CMTM8: variants seen among roughly 807,000 people sequenced by gnomAD.
CMTM8 encodes the protein CKLF like MARVEL transmembrane domain containing 8, also known as CKLF-like MARVEL transmembrane domain-containing protein 8.
Under a neutral mutation model 18.6 loss-of-function variants are expected in CMTM8, and 12 were observed. That is an observed-to-expected ratio of 0.65 (90% CI 0.41 to 1.05). The LOEUF is 1.05. Among genes scored for constraint, CMTM8 ranks in the 50% least tolerant of loss-of-function variants. The pLI is 0.00. For synonymous variants in CMTM8, 87 were observed against 90.6 expected (o/e 0.96, Z 0.23); for missense variants, 217 against 227.2 (o/e 0.95, Z 0.29).
chr3:32,259,519 C>T (rs1702225134), intron 1 of CMTM8: 2 of 783,502 alleles, frequency 2.6e-6, no homozygotes, highest in Admixed American at 1.7e-5. Context: ...ACACCAATGT[C>T]ACTCGGCTGC....
intron 1 of CMTM8, among the ~76,000 whole-genome samples, chr3:32,255,924 C>T (rs761053919): frequency 6.6e-6 from 1 of 152,014 alleles, no homozygotes; most frequent in Non-Finnish European, 1.5e-5. Flanking sequence ...GACAGGATTT[C>T]GCCGCATTGC....
Position 32,319,074 on chromosome 3 carries a change from A to ATATTTT in CMTM8, c.148-38298_148-38297insATTTTT. ...TGTATATACATATATATATATATAT[A>ATATTTT]TTTTTTTTTTTTTTTTTTTTTGAGA... On this transcript the variant is annotated intron_variant, in intron 1 of 3. Coordinates refer to ENST00000307526, the MANE Select transcript of CMTM8 (RefSeq NM_178868.5). Among the ~76,000 whole-genome samples, 264 of 31,558 alleles carry ATATTTT rather than the reference A, an allele frequency of 8.4e-3. 10 individuals carry two copies. The highest frequency in any genetic ancestry group is 0.011 in the Non-Finnish European group (210 of 19,640). The allele number at this position is 31,558 out of a possible 152,430, so 20.7% of individuals were successfully genotyped here.
At chr3:32,369,652 C>T (rs149030259) in intron 3 of CMTM8, among the ~76,000 whole-genome samples, 9 of 152,314 alleles carry the variant, frequency 5.9e-5, no homozygotes, top group African/African-American at 2.2e-4. Context: ...AGTGAACTCC[C>T]TGAGGTTATT....
intron 1 of CMTM8, among the ~76,000 whole-genome samples, chr3:32,338,881 C>G (rs1207706155): frequency 6.6e-6 from 1 of 152,218 alleles, no homozygotes; most frequent in Non-Finnish European, 1.5e-5. Flanking sequence ...GAGCTGCAGT[C>G]ACTTAAAGTT....
intron 1 of CMTM8, among the ~76,000 whole-genome samples, chr3:32,285,481 C>T (rs971397927): frequency 1.3e-5 from 2 of 151,072 alleles, no homozygotes; most frequent in Admixed American, 6.6e-5. Context: ...CCACTACACT[C>T]CAGCCTGGGT....
At chr3:32,265,931 A>G (rs1702335246) in intron 1 of CMTM8, among the ~76,000 whole-genome samples, 1 of 152,258 alleles carries the variant, frequency 6.6e-6, no homozygotes, top group African/African-American at 2.4e-5. Context: ...GAATAGACCA[A>G]TAACAGGCTC....
intron 1 of CMTM8, among the ~76,000 whole-genome samples, chr3:32,312,350 T>A (rs1414079527): frequency 6.6e-6 from 1 of 152,230 alleles, no homozygotes; most frequent in Non-Finnish European, 1.5e-5. Context: ...TCTGTCTGAC[T>A]TAGCTACAAA....
chr3:32,338,002 T>G (rs1360393757), intron 1 of CMTM8, among the ~76,000 whole-genome samples: 3 of 147,912 alleles, frequency 2.0e-5, no homozygotes, highest in Admixed American at 2.0e-4. Context: ...TTTTTTAAAT[T>G]GAGATGGAGT....
At chr3:32,259,112 TC>T in intron 1 of CMTM8, 1 of 399,240 alleles carries the variant, frequency 2.5e-6, no homozygotes, top group South Asian at 2.1e-5. Flanking sequence ...TCCACCAGCT[TC>T]CAGGGTGGCA....
At chr3:32,280,401 G>A (rs1361005225) in intron 1 of CMTM8, among the ~76,000 whole-genome samples, 3 of 151,974 alleles carry the variant, frequency 2.0e-5, no homozygotes, top group African/African-American at 4.8e-5. Flanking sequence ...CAGACTGGTC[G>A]TGGGCCTAGT....
intron 1 of CMTM8, among the ~76,000 whole-genome samples, chr3:32,328,370 CAA>C (rs796201249): frequency 6.7e-5 from 5 of 74,786 alleles, no homozygotes; most frequent in Non-Finnish European, 1.2e-4. Context: ...ACCCTGTCTC[CAA>C]AAAAAAAAAA....
At chr3:32,329,472 A>T (rs926504581) in intron 1 of CMTM8, among the ~76,000 whole-genome samples, 4 of 152,250 alleles carry the variant, frequency 2.6e-5, no homozygotes, top group Non-Finnish European at 5.9e-5. Context: ...ATGGTTCAAC[A>T]TGAAGACTGA....
At chr3:32,290,717 G>C (rs576029868) in intron 1 of CMTM8, among the ~76,000 whole-genome samples, 3 of 152,312 alleles carry the variant, frequency 2.0e-5, no homozygotes, top group African/African-American at 7.2e-5. Flanking sequence ...GTGATTTCAG[G>C]CTAGACACTT....
At chr3:32,256,806 T>C (rs559528953) in intron 1 of CMTM8, among the ~76,000 whole-genome samples, 1 of 152,326 alleles carries the variant, frequency 6.6e-6, no homozygotes, top group South Asian at 2.1e-4. Context: ...TATTTCCTGG[T>C]GTTCCCTGCT....
intron 1 of CMTM8, among the ~76,000 whole-genome samples, chr3:32,334,220 C>T (rs1216203301): frequency 6.6e-6 from 1 of 151,628 alleles, no homozygotes; most frequent in Non-Finnish European, 1.5e-5. Flanking sequence ...TCAGGTGATC[C>T]ACCCGCCTCT....
intron 1 of CMTM8, among the ~76,000 whole-genome samples, chr3:32,270,478 C>T (rs1013213714): frequency 3.9e-5 from 6 of 152,118 alleles, no homozygotes; most frequent in Non-Finnish European, 7.4e-5. Flanking sequence ...CCCAAATGTC[C>T]AACAATGATA....
chr3:32,281,274 C>A (rs763388381), intron 1 of CMTM8, among the ~76,000 whole-genome samples: 2 of 152,184 alleles, frequency 1.3e-5, no homozygotes, highest in Non-Finnish European at 2.9e-5. Flanking sequence ...GAACTCTTTA[C>A]ATTAATAAAA....
At chr3:32,257,420 A>C (rs1424916921) in intron 1 of CMTM8, among the ~76,000 whole-genome samples, 1 of 152,156 alleles carries the variant, frequency 6.6e-6, no homozygotes, top group Non-Finnish European at 1.5e-5. Flanking sequence ...TCAATCCAGG[A>C]GGTCCAGGAG....
At chr3:32,258,916 C>T (rs891866732) in intron 1 of CMTM8, 4 of 286,954 alleles carry the variant, frequency 1.4e-5, no homozygotes, top group Non-Finnish European at 2.7e-5. Context: ...CCCTCGCTTC[C>T]CCACCCCACT....
Sources: allele counts gnomAD v4.1 joint callset (sites outside exome capture counted in the v4.1 genomes callset), GRCh38; gene constraint gnomAD v4.1.1; transcripts MANE v1.5; gene names NCBI Gene and HGNC (gene_info 2026-07-23, HGNC 2026-07-21).